The following CORIN variants were observed in gnomAD, a reference collection of about 807,000 sequenced individuals.
The protein encoded by CORIN is corin, serine peptidase, also known as atrial natriuretic peptide-converting enzyme.
In CORIN, 117 loss-of-function variants were observed where a neutral mutation model predicts 125.3. The ratio of observed to expected loss-of-function variants is 0.93; its 90% CI spans 0.80 to 1.09. The LOEUF is 1.09. CORIN is among the 50% of genes least tolerant of loss of function. The pLI is 0.00. For missense variants in CORIN, 1,253 were observed against 1,306.7 expected (o/e 0.96, Z 0.63); for synonymous variants, 450 against 466.4 (o/e 0.96, Z 0.45).
chr4:47,604,349 A>G (rs1315423738), intron 19 of CORIN, among the ~76,000 whole-genome samples: 1 of 151,982 alleles, frequency 6.6e-6, no homozygotes, highest in African/African-American at 2.4e-5. Context: ...TCAGCTGTCT[A>G]TTCTCACTCC....
rs751229050 is a variant in CORIN, at chr4:47,623,722, G to A, written c.2389C>T (p.Arg797Ter). The change falls in exon 19 of 22, where the codon CGA becomes TGA. Residue 797 changes from arginine to a stop codon, truncating the protein, a stop_gained. Transcript: ENST00000273857. LOFTEE classifies it high-confidence loss of function. ...CCTCCAAGGATCCTTTTGTTCATTC[G>A]GGCAGCAGGGCGGCGCCCACAGTCT... ...KQDCGRRPAA[R>*]MNKRILGGRT... is the part of the protein sequence containing the mutation. 18 of 1,614,014 alleles carry A rather than the reference G, an allele frequency of 1.1e-5. No homozygotes were observed. The highest frequency in any genetic ancestry group is 1.6e-4 in the Middle Eastern group (1 of 6,082).
intron 1 of CORIN, among the ~76,000 whole-genome samples, chr4:47,833,469 C>G (rs528939935): frequency 6.9e-6 from 1 of 144,136 alleles, no homozygotes; most frequent in Non-Finnish European, 1.5e-5. Flanking sequence ...AAAGGAAAAT[C>G]TTGACATTGA....
At chr4:47,610,011 G>T (rs1368226424) in intron 19 of CORIN, among the ~76,000 whole-genome samples, 1 of 152,180 alleles carries the variant, frequency 6.6e-6, no homozygotes, top group Non-Finnish European at 1.5e-5. Context: ...TCATCGATGG[G>T]CATTTGGGTT....
chr4:47,645,446 G>T (rs1723424889), intron 13 of CORIN, among the ~76,000 whole-genome samples: 1 of 141,192 alleles, frequency 7.1e-6, no homozygotes, highest in Non-Finnish European at 1.5e-5. Flanking sequence ...GCGAGACTTT[G>T]TCTCAAAAAA....
At chr4:47,636,723 G>A (rs1422656025) in intron 16 of CORIN, among the ~76,000 whole-genome samples, 1 of 152,190 alleles carries the variant, frequency 6.6e-6, no homozygotes, top group African/African-American at 2.4e-5. Flanking sequence ...CTTCTGCCAT[G>A]ATTGTGAGGC....
intron 5 of CORIN, among the ~76,000 whole-genome samples, chr4:47,697,099 T>C (rs1316455063): frequency 6.6e-6 from 1 of 152,160 alleles, no homozygotes; most frequent in Non-Finnish European, 1.5e-5. Flanking sequence ...TCAAGTACTA[T>C]AAACCACTAT....
chr4:47,806,918 G>A lies in CORIN; in HGVS notation c.193C>T (p.Leu65=), dbSNP rs1348649423. The part of the protein sequence containing the change: ...ICALVLLLVI[L]LSYVGTLQKV... ...CCTCACCCACCAACATAGGAAAGCA[G>A]GATCACCAGCAAGAGAACGAGAGCA... The change falls in exon 2 of 22, where the codon CTG becomes TTG. Residue 65 remains leucine, a synonymous_variant. Transcript: ENST00000273857. The A allele has an allele frequency of 3.7e-6, 6 of 1,612,606 alleles. No homozygotes were observed. The highest frequency in any genetic ancestry group is 5.1e-6 in the Non-Finnish European group (6 of 1,179,480).
At chr4:47,665,974 G>T (rs549925885) in intron 10 of CORIN, among the ~76,000 whole-genome samples, 2 of 152,214 alleles carry the variant, frequency 1.3e-5, no homozygotes, top group East Asian at 3.9e-4. Context: ...CACCCTGTTT[G>T]CTCCTCTCTT....
intron 21 of CORIN, 51 bp from the exon 22 acceptor site, chr4:47,595,954 G>A (rs754379438): frequency 4.8e-6 from 7 of 1,446,992 alleles, no homozygotes; most frequent in Non-Finnish European, 2.8e-6. Flanking sequence ...GGGCAGTAAT[G>A]TGTGTCCATG....
At chr4:47,650,272 A>G (rs1012749428) in intron 13 of CORIN, among the ~76,000 whole-genome samples, 18 of 152,246 alleles carry the variant, frequency 1.2e-4, no homozygotes, top group African/African-American at 4.1e-4. Flanking sequence ...ATTGCTGTCA[A>G]TCTTTTCTCC....
chr4:47,642,053 G>C lies in CORIN; in HGVS notation c.2069-4C>G. 5.0e-6 allele frequency: 8 copies of C among 1,611,776 alleles called. No individual in the cohort carries two copies. The highest frequency in any genetic ancestry group is 1.3e-5 in the African/African-American group (1 of 74,946). Reference sequence around the variant, plus strand: ...TTCACATTTATAGAGAGGGTCACTAGGGAAAGAAAAGACAAGGGAAACCCT... The same window carrying C: ...TTCACATTTATAGAGAGGGTCACTACGGAAAGAAAAGACAAGGGAAACCCT... On this transcript the variant is annotated splice_polypyrimidine_tract_variant and splice_region_variant and intron_variant, in intron 15 of 21. Coordinates refer to ENST00000273857, the MANE Select transcript of CORIN (RefSeq NM_006587.4).
At chr4:47,774,925 A>G (rs1168094984) in intron 3 of CORIN, among the ~76,000 whole-genome samples, 1 of 152,216 alleles carries the variant, frequency 6.6e-6, no homozygotes, top group Non-Finnish European at 1.5e-5. Context: ...GAAGCAGAAA[A>G]GCGGAATGAT....
chr4:47,835,905 C>A (rs896817814), intron 1 of CORIN, among the ~76,000 whole-genome samples: 50 of 152,148 alleles, frequency 3.3e-4, no homozygotes, highest in Non-Finnish European at 4.3e-4. Flanking sequence ...TAGAGCAATT[C>A]TTGGTGTGTC....
At chr4:47,754,644 G>A (rs1729053424) in intron 4 of CORIN, among the ~76,000 whole-genome samples, 1 of 151,782 alleles carries the variant, frequency 6.6e-6, no homozygotes, top group African/African-American at 2.4e-5. Context: ...TACACAGAGG[G>A]GTCCAAGCAG....
chr4:47,695,410 G>C (rs542600730), intron 5 of CORIN, among the ~76,000 whole-genome samples: 1 of 152,314 alleles, frequency 6.6e-6, no homozygotes, highest in Non-Finnish European at 1.5e-5. Context: ...GAAAGCTCAA[G>C]ATTCAATAGC....
chr4:47,757,905 T>TATAC (rs1471519610), intron 4 of CORIN, among the ~76,000 whole-genome samples: 40 of 141,688 alleles, frequency 2.8e-4, no homozygotes, highest in Admixed American at 5.6e-4. Flanking sequence ...TATATATATA[T>TATAC]ACACAAATAT....
intron 12 of CORIN, among the ~76,000 whole-genome samples, chr4:47,658,509 G>C (rs934844443): frequency 6.6e-6 from 1 of 152,262 alleles, no homozygotes; most frequent in Non-Finnish European, 1.5e-5. Flanking sequence ...GACTCTGTGT[G>C]GGGGCTCCAG....
intron 5 of CORIN, among the ~76,000 whole-genome samples, chr4:47,735,114 A>C (rs1221785242): frequency 6.6e-6 from 1 of 152,248 alleles, no homozygotes; most frequent in Non-Finnish European, 1.5e-5. Context: ...TATGATTAAG[A>C]CTGTATTATA....
intron 3 of CORIN, among the ~76,000 whole-genome samples, chr4:47,785,566 T>C (rs1730755717): frequency 6.6e-6 from 1 of 151,764 alleles, no homozygotes; most frequent in Non-Finnish European, 1.5e-5. Context: ...TTACAGCCAA[T>C]AATAGCAGGT....
Sources: allele counts gnomAD v4.1 joint callset (sites outside exome capture counted in the v4.1 genomes callset), GRCh38; gene constraint gnomAD v4.1.1; transcripts MANE v1.5; gene names NCBI Gene and HGNC (gene_info 2026-07-23, HGNC 2026-07-21).